The following PARD3B variants were observed in gnomAD, a reference collection of about 807,000 sequenced individuals.
PARD3B encodes partitioning defective 3 homolog B.
A neutral mutation model predicts 130.2 loss-of-function variants in PARD3B; 103 were observed. That is an observed-to-expected ratio of 0.79 (90% CI 0.67 to 0.93). The LOEUF (loss-of-function observed/expected upper bound fraction) is 0.93, where lower values mean the gene tolerates loss of function less well. PARD3B is among the 40% of genes least tolerant of loss of function. The pLI is 0.00. For missense variants in PARD3B, 1,609 were observed against 1,499.2 expected (o/e 1.07, Z -1.21); for synonymous variants, 583 against 553.2 (o/e 1.05, Z -0.76).
chr2:205,057,855 TA>T (rs1699830976), intron 4 of PARD3B, among the ~76,000 whole-genome samples: 1 of 149,124 alleles, frequency 6.7e-6, no homozygotes, highest in Non-Finnish European at 1.5e-5. Context: ...CAGGATGTTT[TA>T]AAATTTCTTG....
At chr2:204,913,358 A>C (rs978579861) in intron 2 of PARD3B, among the ~76,000 whole-genome samples, 9 of 152,186 alleles carry the variant, frequency 5.9e-5, no homozygotes, top group African/African-American at 2.2e-4. Flanking sequence ...ATATTGCTTC[A>C]GTTTCCTCAA....
intron 20 of PARD3B, among the ~76,000 whole-genome samples, chr2:205,449,153 C>T (rs372082713): frequency 2.5e-4 from 30 of 121,832 alleles, no homozygotes; most frequent in African/African-American, 6.4e-4. Flanking sequence ...GCAACAAGAG[C>T]GAAACTCCAT....
chr2:205,143,235 G>A (rs1326804021), intron 10 of PARD3B, among the ~76,000 whole-genome samples: 2 of 152,018 alleles, frequency 1.3e-5, no homozygotes, highest in East Asian at 1.9e-4. Flanking sequence ...GTGGGTTTGC[G>A]CCATCAGGGA....
intron 20 of PARD3B, among the ~76,000 whole-genome samples, chr2:205,498,654 G>A (rs560537504): frequency 1.3e-5 from 2 of 152,290 alleles, no homozygotes; most frequent in Admixed American, 6.5e-5. Flanking sequence ...CAAAGTGATC[G>A]ACTTGCATGT....
chr2:205,066,121 A>ACATT (rs1454687372), intron 4 of PARD3B, among the ~76,000 whole-genome samples: 1 of 152,176 alleles, frequency 6.6e-6, no homozygotes, highest in East Asian at 1.9e-4. Flanking sequence ...TAACTAACTG[A>ACATT]CATTCACCAA....
rs1362899989 is a variant in PARD3B at position 205,470,336 on chromosome 2, A to G, written c.3045-29560A>G. Reference sequence around the variant, plus strand: ...TAATGTCATTATCATTTGTTTCACAACCCTCTTAGCTCCTGTTGAACTCGG... The same window carrying G: ...TAATGTCATTATCATTTGTTTCACAGCCCTCTTAGCTCCTGTTGAACTCGG... On this transcript the variant is annotated intron_variant, in intron 20 of 22. Coordinates refer to ENST00000406610, the MANE Select transcript of PARD3B (RefSeq NM_001302769.2). This position sits in a 1 kb window ranked among gnomAD's most constrained non-coding sequence, Gnocchi z 4.8. Among the ~76,000 whole-genome samples, 2 of 151,864 alleles carry G rather than the reference A, an allele frequency of 1.3e-5. No individual in the cohort carries two copies. The highest frequency in any genetic ancestry group is 2.4e-5 in the African/African-American group (1 of 41,300).
rs183238334 is a variant in PARD3B, at chr2:204,620,343, C to T, written c.121-65838C>T. Among the ~76,000 whole-genome samples the T allele has an allele frequency of 1.6e-4, 25 of 152,140 alleles. No homozygotes were observed. The East Asian group carries it at 2.9e-3, about 18-fold the overall frequency. On this transcript the variant is annotated intron_variant, in intron 1 of 22. Transcript: ENST00000406610. ...GGTTACAGGTGTTAGCCACCTCACC[C>T]GGCCCATGAACCTTTCTTGGGTTAC...
intron 20 of PARD3B, among the ~76,000 whole-genome samples, chr2:205,464,487 G>T (rs1036576168): frequency 3.3e-5 from 5 of 152,124 alleles, no homozygotes. Flanking sequence ...TGCAGCCACA[G>T]TTAAGCACAG....
In PARD3B at chr2:204,967,228, A is replaced by G. The variant is rs1691331480; in HGVS notation, c.394+1905A>G. Among the ~76,000 whole-genome samples the G allele has an allele frequency of 1.3e-5, 2 of 152,190 alleles. No homozygotes were observed. Among genetic ancestry groups the G allele is most frequent in the African/African-American group, 2.4e-5 (1 of 41,440 alleles). ...GTTAGGTGGGAAACATTCCCTTCCA[A>G]CCATTTGGCCTGAAACCTTGGCATC... On this transcript the variant is annotated intron_variant, in intron 3 of 22. Transcript: ENST00000406610. This position sits in a 1 kb window ranked among gnomAD's most constrained non-coding sequence, Gnocchi z 4.4.
intron 1 of PARD3B, among the ~76,000 whole-genome samples, chr2:204,558,383 G>A (rs573575438): frequency 3.2e-4 from 49 of 152,240 alleles, no homozygotes; most frequent in Non-Finnish European, 6.3e-4. Flanking sequence ...AAAATCATAA[G>A]CATTCCTATA....
intron 2 of PARD3B, among the ~76,000 whole-genome samples, chr2:204,833,484 G>A (rs548103010): frequency 6.6e-6 from 1 of 152,064 alleles, no homozygotes; most frequent in Non-Finnish European, 1.5e-5. Context: ...TGGTTTGGCT[G>A]TGTCCCCACC....
intron 1 of PARD3B, among the ~76,000 whole-genome samples, chr2:204,548,536 C>G (rs2030191507): frequency 6.6e-6 from 1 of 152,228 alleles, no homozygotes; most frequent in Admixed American, 6.5e-5. Flanking sequence ...TGTTTGCTCT[C>G]AGCCATTAAC....
At chr2:204,693,606 A>C (rs1306201226) in intron 2 of PARD3B, among the ~76,000 whole-genome samples, 2 of 152,044 alleles carry the variant, frequency 1.3e-5, no homozygotes, top group African/African-American at 4.8e-5. Context: ...ACATTATTTA[A>C]AAAGTATTGC....
Position 205,265,462 on chromosome 2 carries a change from T to G in PARD3B, c.2185+19640T>G, listed in dbSNP as rs980524819. Reference sequence around the variant, plus strand: ...TGATGTAATTTGGACATTGCTTTTCTGCCTACAAATGGGACGATTCCTGAT... The same window carrying G: ...TGATGTAATTTGGACATTGCTTTTCGGCCTACAAATGGGACGATTCCTGAT... On this transcript the variant is annotated intron_variant, in intron 16 of 22. Coordinates refer to ENST00000406610, the MANE Select transcript of PARD3B (RefSeq NM_001302769.2). The surrounding 1 kb of genome is among the most constrained non-coding windows in gnomAD (Gnocchi z 4.3). Among the ~76,000 whole-genome samples the G allele has an allele frequency of 2.0e-5, 3 of 152,058 alleles. No homozygotes were observed. Among genetic ancestry groups the G allele is most frequent in the African/African-American group, 4.8e-5 (2 of 41,422 alleles).
chr2:204,803,858 C>G (rs1455888427), intron 2 of PARD3B, among the ~76,000 whole-genome samples: 1 of 151,996 alleles, frequency 6.6e-6, no homozygotes, highest in Non-Finnish European at 1.5e-5. Context: ...CCTTACTTAC[C>G]AATAATAACA....
At chr2:205,242,478 C>T (rs532865827) in intron 15 of PARD3B, among the ~76,000 whole-genome samples, 12 of 152,172 alleles carry the variant, frequency 7.9e-5, no homozygotes, top group South Asian at 2.1e-4. Flanking sequence ...ATAATAAAAC[C>T]GTACAGTCTA....
At chr2:205,395,163 C>T (rs1574909398) in intron 18 of PARD3B, among the ~76,000 whole-genome samples, 1 of 152,280 alleles carries the variant, frequency 6.6e-6, no homozygotes, top group East Asian at 1.9e-4. Flanking sequence ...CCTGCAGCTA[C>T]CTCCCTCCCA....
In PARD3B at chr2:204,967,525, C is replaced by T. The variant is rs560769246; in HGVS notation, c.394+2202C>T. 2.2e-4 allele frequency among the ~76,000 whole-genome samples: 34 copies of T among 152,208 alleles called. No individual in the cohort carries two copies. In the Middle Eastern group the frequency reaches 0.014, roughly 61 times the overall value. ...TCACCCTGAGAACCATATCTAAACTCGTTAGCAAGCTGATGCAGATGGTTC... is the reference window on the plus strand; with the variant it reads ...TCACCCTGAGAACCATATCTAAACTTGTTAGCAAGCTGATGCAGATGGTTC... On this transcript the variant is annotated intron_variant, in intron 3 of 22. Transcript: ENST00000406610. This position sits in a 1 kb window ranked among gnomAD's most constrained non-coding sequence, Gnocchi z 4.4.
At position 205,121,885 on chromosome 2, in the gene PARD3B, C is replaced by G. The variant is rs2030781307; in HGVS notation, c.1101C>G (p.Leu367=). Residue 367 remains leucine, a synonymous_variant, in exon 8 of 23, where the codon CTC becomes CTG. Transcript: ENST00000406610. The surrounding 1 kb of genome is among the most constrained non-coding windows in gnomAD (Gnocchi z 5.0). Reference sequence around the variant, plus strand: ...GAGGAAAACCATCCTCTCCCTCACTCTCGCCTCTCATGGGATTTGGCAGCA... The same window carrying G: ...GAGGAAAACCATCCTCTCCCTCACTGTCGCCTCTCATGGGATTTGGCAGCA... ...RLGGKPSSPS[L]SPLMGFGSNK... 5 of 1,614,004 alleles carry G rather than the reference C, an allele frequency of 3.1e-6. No homozygotes were observed. Among genetic ancestry groups the G allele is most frequent in the South Asian group, 2.2e-5 (2 of 91,082 alleles).
Sources: allele counts gnomAD v4.1 joint callset (sites outside exome capture counted in the v4.1 genomes callset), GRCh38; gene constraint gnomAD v4.1.1; non-coding constraint Gnocchi (gnomAD v3.1); transcripts MANE v1.5; gene names NCBI Gene and HGNC (gene_info 2026-07-23, HGNC 2026-07-21).